The following ACTR3C variants were observed in gnomAD, a reference collection of about 807,000 sequenced individuals.
The protein encoded by ACTR3C is actin related protein 3C, also known as actin-related protein 3C.
ACTR3C carries 18 observed loss-of-function variants against 26.3 expected under a neutral mutation model. That is an observed-to-expected ratio of 0.68 (90% confidence interval 0.47 to 1.01). ACTR3C has a LOEUF of 1.01. Among genes scored for constraint, ACTR3C ranks in the 50% least tolerant of loss-of-function variants. The pLI is 0.00. For synonymous variants in ACTR3C, 55 were observed against 94.5 expected, an observed-to-expected ratio of 0.58 and a Z score of 2.42; for missense variants, 184 against 250.7, an observed-to-expected ratio of 0.73 and a Z score of 1.80.
At chr7:150,219,531 T>C in the ACTR3C span, among the ~76,000 whole-genome samples, 9 of 142,900 alleles carry the variant, frequency 6.3e-5, no homozygotes, top group African/African-American at 2.7e-4. Flanking sequence ...GTGAGGCGTA[T>C]TGAGCATGGC....
chr7:149,912,647 C>T, the ACTR3C span, among the ~76,000 whole-genome samples: 8 of 151,804 alleles, frequency 5.3e-5, no homozygotes, highest in East Asian at 1.9e-4. Context: ...GAATTACAGG[C>T]GCCTGCCACC....
the ACTR3C span, among the ~76,000 whole-genome samples, chr7:150,033,673 C>CG: frequency 1.0e-4 from 15 of 149,702 alleles, no homozygotes; most frequent in African/African-American, 2.2e-4. Flanking sequence ...CCCTGCCTCG[C>CG]GGGGGGTGCC....
At chr7:149,951,822 C>A in the ACTR3C span, among the ~76,000 whole-genome samples, 18 of 149,946 alleles carry the variant, frequency 1.2e-4, no homozygotes, top group Admixed American at 6.6e-4. Flanking sequence ...GTGTAGGCGC[C>A]AGGGCCAAGT....
chr7:149,952,873 T>G, the ACTR3C span, among the ~76,000 whole-genome samples: 1 of 151,600 alleles, frequency 6.6e-6, no homozygotes, highest in Non-Finnish European at 1.5e-5. Context: ...GAATATAAAC[T>G]GATATAAATT....
At chr7:150,052,013 G>GT in the ACTR3C span, among the ~76,000 whole-genome samples, 2 of 152,220 alleles carry the variant, frequency 1.3e-5, no homozygotes, top group African/African-American at 2.4e-5. Flanking sequence ...ATTTAAGACT[G>GT]TTTTTTCTTT....
the ACTR3C span, among the ~76,000 whole-genome samples, chr7:150,015,497 G>T: frequency 3.3e-5 from 5 of 152,134 alleles, no homozygotes; most frequent in Admixed American, 3.3e-4. Context: ...AACGTCAAGA[G>T]CTGTCCCTTT....
At chr7:150,278,625 C>G (rs1273773286) in intron 6 of ACTR3C, among the ~76,000 whole-genome samples, 1 of 152,240 alleles carries the variant, frequency 6.6e-6, no homozygotes, top group Non-Finnish European at 1.5e-5. Context: ...TCTCCACCGG[C>G]CTCCCACGGC....
At chr7:149,990,706 T>A in the ACTR3C span, among the ~76,000 whole-genome samples, 10 of 150,376 alleles carry the variant, frequency 6.7e-5, no homozygotes, top group African/African-American at 2.5e-4. Context: ...CTGGGGGAAC[T>A]CAAGATGTTT....
At chr7:149,968,375 T>C in the ACTR3C span, among the ~76,000 whole-genome samples, 1 of 152,044 alleles carries the variant, frequency 6.6e-6, no homozygotes, top group African/African-American at 2.4e-5. Flanking sequence ...CTACTAAAAA[T>C]ACAAAAAATT....
At chr7:150,172,238 G>T in the ACTR3C span, among the ~76,000 whole-genome samples, 2 of 150,620 alleles carry the variant, frequency 1.3e-5, 1 homozygote, top group African/African-American at 5.0e-5. Context: ...TGCTGATAAA[G>T]ACATACCCAA....
At chr7:149,983,277 C>T in the ACTR3C span, among the ~76,000 whole-genome samples, 3 of 151,594 alleles carry the variant, frequency 2.0e-5, no homozygotes, top group Non-Finnish European at 4.4e-5. Context: ...AAAGGCATTT[C>T]TTCAAAGAAA....
chr7:150,124,658 T>C, the ACTR3C span, among the ~76,000 whole-genome samples: 2 of 152,152 alleles, frequency 1.3e-5, no homozygotes, highest in Admixed American at 6.5e-5. Flanking sequence ...AGGTTTGCAG[T>C]ACACCCTCTC....
the ACTR3C span, among the ~76,000 whole-genome samples, chr7:150,003,884 GGGTGTGTGT>G: frequency 6.7e-6 from 1 of 149,182 alleles, no homozygotes; most frequent in African/African-American, 2.5e-5. Context: ...GTATGTTATG[GGGTGTGTGT>G]GGTGTGTGTG....
chr7:150,208,468 C>T, the ACTR3C span, among the ~76,000 whole-genome samples: 1 of 152,244 alleles, frequency 6.6e-6, no homozygotes, highest in East Asian at 1.9e-4. Context: ...TCAGATAAGC[C>T]ACTCTCAAAC....
chr7:149,937,076 C>T, the ACTR3C span, among the ~76,000 whole-genome samples: 1 of 152,176 alleles, frequency 6.6e-6, no homozygotes, highest in Non-Finnish European at 1.5e-5. Context: ...AGGTGTGAGA[C>T]ACTGCGACTG....
At chr7:150,113,245 CAAA>C in the ACTR3C span, among the ~76,000 whole-genome samples, 17 of 122,486 alleles carry the variant, frequency 1.4e-4, no homozygotes, top group East Asian at 2.6e-4. Context: ...TTTCTGAGGG[CAAA>C]AAAAAAAAAA....
chr7:149,919,708 A>G, the ACTR3C span, among the ~76,000 whole-genome samples: 5 of 152,100 alleles, frequency 3.3e-5, no homozygotes, highest in Non-Finnish European at 7.3e-5. Context: ...CTTTTGTACT[A>G]TTCCTTGTTG....
the ACTR3C span, among the ~76,000 whole-genome samples, chr7:150,116,895 C>A: frequency 6.6e-6 from 1 of 151,400 alleles, no homozygotes; most frequent in Non-Finnish European, 1.5e-5. Context: ...GTCCATCTCA[C>A]TGGGACTGGT....
chr7:150,139,146 C>T, the ACTR3C span, among the ~76,000 whole-genome samples: 15 of 152,360 alleles, frequency 9.8e-5, no homozygotes, highest in East Asian at 1.5e-3. Flanking sequence ...CCCCACTCCC[C>T]GGTCCATGGA....
Sources: allele counts gnomAD v4.1 joint callset (sites outside exome capture counted in the v4.1 genomes callset), GRCh38; gene constraint gnomAD v4.1.1; transcripts MANE v1.5; gene names NCBI Gene and HGNC (gene_info 2026-07-23, HGNC 2026-07-21).